PRAG1: variants seen among roughly 807,000 people sequenced by gnomAD.
The protein encoded by PRAG1 is PEAK1 related, kinase-activating pseudokinase 1.
In PRAG1, 110 loss-of-function variants were observed where a neutral mutation model predicts 95.6. The ratio of observed to expected loss-of-function variants is 1.15; its 90% CI spans 0.99 to 1.35. PRAG1 has a LOEUF of 1.35. PRAG1 is among the 40% of genes most tolerant of loss of function. PRAG1 has a pLI of 0.00. For missense variants in PRAG1, 2,554 were observed against 1,864.7 expected, an observed-to-expected ratio of 1.37 and a Z score of -6.81; for synonymous variants, 1,052 against 819.4, an observed-to-expected ratio of 1.28 and a Z score of -4.85.
chr8:8,350,146 CTT>C (rs1799475148), intron 3 of PRAG1, among the ~76,000 whole-genome samples: 1 of 152,142 alleles, frequency 6.6e-6, no homozygotes, highest in Non-Finnish European at 1.5e-5. Flanking sequence ...AAAAGCAAGT[CTT>C]TTATTTGTGG....
At chr8:8,384,079 G>GTGGGCTCTGCT (rs1267385786) in intron 1 of PRAG1, among the ~76,000 whole-genome samples, 2 of 149,718 alleles carry the variant, frequency 1.3e-5, no homozygotes, top group African/African-American at 5.1e-5. Context: ...CCAGCTCTGT[G>GTGGGCTCTGCT]TGGGCTCTGC....
At chr8:8,386,158 C>G (rs1016688867) in intron 1 of PRAG1, among the ~76,000 whole-genome samples, 163 bp downstream of exon 1, 7 of 152,176 alleles carry the variant, frequency 4.6e-5, no homozygotes, top group Non-Finnish European at 7.4e-5. Context: ...TCGGGCACCA[C>G]CCGGGGCTCA....
intron 1 of PRAG1, among the ~76,000 whole-genome samples, chr8:8,382,671 T>G (rs1052581595): frequency 2.6e-5 from 4 of 152,204 alleles, no homozygotes; most frequent in Non-Finnish European, 5.9e-5. Context: ...AATTCATTGC[T>G]TCTTAGAGTA....
intron 3 of PRAG1, among the ~76,000 whole-genome samples, chr8:8,362,579 AGAG>A (rs1464099931): frequency 2.0e-5 from 3 of 152,216 alleles, no homozygotes; most frequent in African/African-American, 7.2e-5. Context: ...ACCCTGCCCC[AGAG>A]GAGAATGGGT....
At chr8:8,350,758 C>G (rs1799494312) in intron 3 of PRAG1, among the ~76,000 whole-genome samples, 1 of 152,218 alleles carries the variant, frequency 6.6e-6, no homozygotes, top group Non-Finnish European at 1.5e-5. Context: ...GGCCCTTAAT[C>G]TCTCTCTGTT....
At position 8,377,247 on chromosome 8, in the gene PRAG1, T is replaced by A. The variant is rs1425967033; in HGVS notation, c.1162A>T (p.Ser388Cys). 2 of 1,612,876 alleles carry A rather than the reference T, an allele frequency of 1.2e-6. No homozygotes were observed. Among genetic ancestry groups the A allele is most frequent in the Non-Finnish European group, 1.7e-6 (2 of 1,179,956 alleles). Residue 388 changes from serine (S) to cysteine (C), a missense_variant, in exon 3 of 6, where the codon AGC becomes TGC. Physicochemically the swap from Ser to Cys is moderately radical, Grantham distance 112 (BLOSUM62 -1). Coordinates refer to ENST00000615670, the MANE Select transcript of PRAG1 (RefSeq NM_001080826.3). ...QDPGCPGVTPSRCLGLTGEPQ... is the reference protein window; with the variant it reads ...QDPGCPGVTPCRCLGLTGEPQ... Reference sequence around the variant, plus strand: ...TCCCCCGTCAGCCCAAGGCATCTGCTAGGGGTCACCCCTGGGCAGCCAGGG... The same window carrying A: ...TCCCCCGTCAGCCCAAGGCATCTGCAAGGGGTCACCCCTGGGCAGCCAGGG...
At chr8:8,333,245 T>C (rs1259920874) in intron 4 of PRAG1, among the ~76,000 whole-genome samples, 1 of 152,230 alleles carries the variant, frequency 6.6e-6, no homozygotes, top group African/African-American at 2.4e-5. Context: ...TAATTTTGCA[T>C]GCTAATTGGG....
At chr8:8,342,867 G>T (rs1799218176) in intron 3 of PRAG1, among the ~76,000 whole-genome samples, 1 of 151,686 alleles carries the variant, frequency 6.6e-6, no homozygotes, top group Non-Finnish European at 1.5e-5. Flanking sequence ...TAAAATAAGG[G>T]CTAAAAAATA....
At chr8:8,372,233 T>G (rs978431439) in intron 3 of PRAG1, among the ~76,000 whole-genome samples, 1 of 152,222 alleles carries the variant, frequency 6.6e-6, no homozygotes, top group Admixed American at 6.5e-5. Flanking sequence ...TTGGCCAGGC[T>G]GGTCTTGAAC....
rs866949386 is a variant in PRAG1 at position 8,336,921 on chromosome 8, C to T, written c.2320+2557G>A. Among the ~76,000 whole-genome samples the T allele has an allele frequency of 1.3e-4, 18 of 142,888 alleles. No individual in the cohort carries two copies. In the South Asian group the frequency reaches 1.8e-3, roughly 14 times the overall value. The allele number at this position is 142,888 out of a possible 152,430, so 93.7% of individuals were successfully genotyped here. Reference sequence around the variant, plus strand: ...CCCACACCCCTTTCCCCCCTCCCCCCACCTCCGACATAAAGCATGAATCAC... The same window carrying T: ...CCCACACCCCTTTCCCCCCTCCCCCTACCTCCGACATAAAGCATGAATCAC... On this transcript the variant is annotated intron_variant, in intron 4 of 5. Transcript: ENST00000615670.
intron 3 of PRAG1, among the ~76,000 whole-genome samples, chr8:8,371,854 G>T (rs190318171): frequency 5.9e-5 from 9 of 152,284 alleles, no homozygotes; most frequent in Admixed American, 5.9e-4. Context: ...GGCAGAGTGA[G>T]ATTCTGTCTC....
Position 8,377,872 on chromosome 8 carries a change from C to T in PRAG1, c.537G>A (p.Pro179=), listed in dbSNP as rs773917426. Residue 179 remains proline (P), a synonymous_variant, in exon 3 of 6, where the codon CCG becomes CCA. Transcript: ENST00000615670. ...PRGERNIAFH[P]VSFPEEKAVH... ...CAGCCTTCTCCTCCGGGAAGCTCAC[C>T]GGGTGGAAGGCAATGTTCCTCTCGC... 58 of 1,613,984 alleles carry T rather than the reference C, an allele frequency of 3.6e-5. No homozygotes were observed. The highest frequency in any genetic ancestry group is 8.9e-5 in the East Asian group (4 of 44,868).
At chr8:8,339,752 T>A in intron 3 of PRAG1, 117 bp from the exon 4 acceptor site, 1 of 1,016,932 alleles carries the variant, frequency 9.8e-7, no homozygotes, top group Non-Finnish European at 1.4e-6. Flanking sequence ...AGCAAGTTTA[T>A]TAAAAGAAAA....
intron 3 of PRAG1, among the ~76,000 whole-genome samples, chr8:8,344,843 T>C (rs970111075): frequency 2.6e-5 from 4 of 152,140 alleles, no homozygotes; most frequent in Admixed American, 2.6e-4. Context: ...GAACAGGCAG[T>C]CTCAACGAGG....
Position 8,319,285 on chromosome 8 carries a change from C to CCTG in PRAG1, c.3089_3090insCAG (p.Glu1030delinsAspArg). On this transcript the variant is annotated protein_altering_variant, in exon 6 of 6. Transcript: ENST00000615670. ...GGCTGCAGTAGGAGACTGTTTTGGG[C>CCTG]TCAGGGGCTTTGCAGATCTGTGGAG... The CCTG allele has an allele frequency of 6.6e-7, 1 of 1,514,384 alleles. No individual in the cohort carries two copies. The highest frequency in any genetic ancestry group is 8.9e-7 in the Non-Finnish European group (1 of 1,127,828). The allele number at this position is 1,514,384 out of a possible 1,614,324, so 93.8% of individuals were successfully genotyped here. A position where few individuals can be genotyped will look rare whatever the true frequency, so the allele number is the denominator to read the frequency against.
At chr8:8,323,757 C>T (rs1376295964) in intron 5 of PRAG1, among the ~76,000 whole-genome samples, 1 of 152,158 alleles carries the variant, frequency 6.6e-6, no homozygotes, top group Admixed American at 6.5e-5. Flanking sequence ...AATTAAATCT[C>T]TTTCCCTTGT....
At position 8,381,440 on chromosome 8, in the gene PRAG1, T is replaced by A. The variant is rs374661279; in HGVS notation, c.308A>T (p.Asn103Ile). ...SEASDVWTEA[N>I]LSAEVSQVIW... Reference sequence around the variant, plus strand: ...CACCTGCGAGACTTCGGCACTCAGGTTGGCCTCTGTCCACACATCAGAGGC... The same window carrying A: ...CACCTGCGAGACTTCGGCACTCAGGATGGCCTCTGTCCACACATCAGAGGC... Residue 103 changes from asparagine to isoleucine, a missense_variant, in exon 2 of 6, where the codon AAC becomes ATC. Physicochemically the swap from Asn to Ile is moderately radical, Grantham distance 149 (BLOSUM62 -3). Coordinates refer to ENST00000615670, the MANE Select transcript of PRAG1 (RefSeq NM_001080826.3). 2.5e-6 allele frequency: 4 copies of A among 1,609,994 alleles called. No homozygotes were observed. Among genetic ancestry groups the A allele is most frequent in the African/African-American group, 1.3e-5 (1 of 74,852 alleles).
rs199554449 is a variant in PRAG1, at chr8:8,377,576, C to T, written c.833G>A (p.Arg278Lys). Residue 278 changes from arginine to lysine, a missense_variant, in exon 3 of 6, where the codon AGG (arginine) becomes AAG (lysine). Arg to Lys is a conservative substitution (Grantham distance 26). Coordinates refer to ENST00000615670, the MANE Select transcript of PRAG1 (RefSeq NM_001080826.3). ...AASQTAGSRG[R>K]HGGRDCSPTC... ...GGGTGAGCAGTCCCTGCCACCATGC[C>T]TGCCCCGGGAACCTGCAGTCTGGGA... The T allele has an allele frequency of 9.7e-5, 157 of 1,611,100 alleles. No individual in the cohort carries two copies. In the African/African-American group the frequency reaches 2.0e-3, roughly 20 times the overall value.
intron 3 of PRAG1, among the ~76,000 whole-genome samples, chr8:8,354,310 A>G (rs1048709121): frequency 5.9e-5 from 9 of 152,244 alleles, no homozygotes; most frequent in African/African-American, 1.9e-4. Context: ...CCCCAGGACC[A>G]GATGGCTTCA....
Sources: allele counts gnomAD v4.1 joint callset (sites outside exome capture counted in the v4.1 genomes callset), GRCh38; gene constraint gnomAD v4.1.1; transcripts MANE v1.5; gene names NCBI Gene and HGNC (gene_info 2026-07-23, HGNC 2026-07-21).